FTO: variants seen among roughly 807,000 people sequenced by gnomAD.
FTO encodes the protein FTO alpha-ketoglutarate dependent dioxygenase.
A neutral mutation model predicts 63.9 loss-of-function variants in FTO; 47 were observed. The observed-to-expected ratio is 0.74, with a 90% CI of 0.58 to 0.94. The LOEUF (loss-of-function observed/expected upper bound fraction) is 0.94, where lower values mean the gene tolerates loss of function less well. Among genes scored for constraint, FTO ranks in the 40% least tolerant of loss-of-function variants. The pLI is 0.00. For missense variants in FTO, 562 were observed against 618.1 expected (o/e 0.91, Z 0.96); for synonymous variants, 207 against 224.4 (o/e 0.92, Z 0.69).
intron 1 of FTO, among the ~76,000 whole-genome samples, chr16:53,763,665 T>C (rs1007726829): frequency 1.3e-5 from 2 of 152,184 alleles, no homozygotes; most frequent in Admixed American, 6.5e-5. Context: ...AAAGTCAAGG[T>C]AGTAATGTTG....
chr16:53,743,831 A>G (rs556197426), intron 1 of FTO, among the ~76,000 whole-genome samples: 1 of 152,100 alleles, frequency 6.6e-6, no homozygotes, highest in South Asian at 2.1e-4. Context: ...ATTGAAGCTT[A>G]GAGAGATAGG....
intron 8 of FTO, among the ~76,000 whole-genome samples, chr16:54,035,532 TA>T (rs1158198817): frequency 1.3e-5 from 2 of 152,188 alleles, no homozygotes; most frequent in Non-Finnish European, 2.9e-5. Context: ...TCCATAACTC[TA>T]AATCCCCATG....
chr16:53,969,283 C>T (rs2083265961), intron 8 of FTO, among the ~76,000 whole-genome samples: 1 of 152,020 alleles, frequency 6.6e-6, no homozygotes, highest in South Asian at 2.1e-4. Context: ...CAGCATTTGT[C>T]CTTTATCTGA....
At chr16:54,103,426 G>GA (rs532324720) in intron 8 of FTO, among the ~76,000 whole-genome samples, 1 of 152,054 alleles carries the variant, frequency 6.6e-6, no homozygotes, top group South Asian at 2.1e-4. Flanking sequence ...TGACCCGGGG[G>GA]AAAAAAAGCT....
intron 1 of FTO, among the ~76,000 whole-genome samples, chr16:53,726,403 GA>G (rs1447613859): frequency 6.6e-6 from 1 of 152,098 alleles, no homozygotes; most frequent in Admixed American, 6.5e-5. Flanking sequence ...TTTTGAATTA[GA>G]AACTCCCTAA....
At chr16:53,793,406 T>C (rs997783703) in intron 1 of FTO, among the ~76,000 whole-genome samples, 4 of 152,220 alleles carry the variant, frequency 2.6e-5, no homozygotes, top group Non-Finnish European at 4.4e-5. Context: ...TAGAATTTGA[T>C]ATTCAAATTA....
intron 5 of FTO, among the ~76,000 whole-genome samples, chr16:53,879,148 ATCCAATAATTAT>A (rs544490679): frequency 2.0e-5 from 3 of 152,344 alleles, no homozygotes; most frequent in Non-Finnish European, 4.4e-5. Flanking sequence ...CCAGTTATTC[ATCCAATAATTAT>A]TTATTAAATT....
chr16:53,930,283 G>A (rs2082250029), intron 7 of FTO, among the ~76,000 whole-genome samples: 1 of 137,788 alleles, frequency 7.3e-6, no homozygotes, highest in Non-Finnish European at 1.5e-5. Flanking sequence ...GAGTGAAGTG[G>A]CGCGATCTTG....
At chr16:53,858,244 A>C (rs899280136) in intron 4 of FTO, among the ~76,000 whole-genome samples, 28 of 152,204 alleles carry the variant, frequency 1.8e-4, no homozygotes, top group African/African-American at 6.8e-4. Context: ...AATCCATCTT[A>C]AACTGATGCC....
At chr16:53,978,718 C>T (rs1194607273) in intron 8 of FTO, among the ~76,000 whole-genome samples, 1 of 152,060 alleles carries the variant, frequency 6.6e-6, no homozygotes, top group Non-Finnish European at 1.5e-5. Flanking sequence ...CCATAATCAC[C>T]GGGTGCGGTG....
chr16:53,914,043 C>T (rs1037341286), intron 7 of FTO, among the ~76,000 whole-genome samples: 4 of 151,792 alleles, frequency 2.6e-5, no homozygotes, highest in Non-Finnish European at 5.9e-5. Flanking sequence ...GGCCTTCTCG[C>T]ATTGTCCTGC....
intron 2 of FTO, among the ~76,000 whole-genome samples, chr16:53,819,442 G>A (rs1181696539): frequency 6.6e-6 from 1 of 152,218 alleles, no homozygotes; most frequent in Non-Finnish European, 1.5e-5. Flanking sequence ...AAAGTGCTGG[G>A]ATTACAGGTG....
At chr16:54,083,923 T>G (rs1599339269) in intron 8 of FTO, among the ~76,000 whole-genome samples, 1 of 152,308 alleles carries the variant, frequency 6.6e-6, no homozygotes, top group East Asian at 1.9e-4. Context: ...AATCCCAGCC[T>G]TTCCATGTAC....
chr16:53,868,917 C>T (rs937095620), intron 4 of FTO, among the ~76,000 whole-genome samples: 4 of 152,028 alleles, frequency 2.6e-5, no homozygotes, highest in East Asian at 1.9e-4. Flanking sequence ...CTGCAACCTC[C>T]GCCTCCCGGG....
chr16:53,965,134 C>T (rs141024818), intron 8 of FTO, among the ~76,000 whole-genome samples: 2,349 of 152,172 alleles, frequency 0.015, 72 homozygotes, highest in African/African-American at 0.053. Flanking sequence ...AGTGCAGTGG[C>T]GTGATCTCGG....
chr16:54,098,887 A>C (rs898092187), intron 8 of FTO, among the ~76,000 whole-genome samples: 1 of 152,224 alleles, frequency 6.6e-6, no homozygotes, highest in Non-Finnish European at 1.5e-5. Flanking sequence ...AATTTGCAAG[A>C]AGAAATGTTT....
intron 3 of FTO, among the ~76,000 whole-genome samples, chr16:53,831,678 A>G (rs1399001148): frequency 6.6e-6 from 1 of 152,212 alleles, no homozygotes; most frequent in Admixed American, 6.5e-5. Flanking sequence ...AGGGTGAGGG[A>G]TAATCTTACA....
chr16:53,790,307 A>T lies in FTO; in HGVS notation c.46-19833A>T, dbSNP rs568038133. On this transcript the variant is annotated intron_variant, in intron 1 of 8. Transcript: ENST00000471389. ...TTTCTAGCTTCCCCCAGCCCCTGGC[A>T]ACCACCATTCTATTTTCTGTCTCTA... is the stretch of plus-strand genomic sequence containing the variant. Among the ~76,000 whole-genome samples the T allele has an allele frequency of 2.0e-5, 3 of 152,140 alleles. No homozygotes were observed. The South Asian group carries it at 6.2e-4, about 32-fold the overall frequency.
At chr16:53,727,456 T>C (rs77504358) in intron 1 of FTO, among the ~76,000 whole-genome samples, 8,877 of 152,300 alleles carry the variant, frequency 0.058, 848 homozygotes, top group African/African-American at 0.2. Context: ...TTTTTCCACA[T>C]GGTAGGGTTC....
Sources: allele counts gnomAD v4.1 joint callset (sites outside exome capture counted in the v4.1 genomes callset), GRCh38; gene constraint gnomAD v4.1.1; transcripts MANE v1.5; gene names NCBI Gene and HGNC (gene_info 2026-07-23, HGNC 2026-07-21).